SCN2A: variants seen among roughly 807,000 people sequenced by gnomAD.
The protein encoded by SCN2A is sodium channel protein type 2 subunit alpha.
Under a neutral mutation model 188.7 loss-of-function variants are expected in SCN2A, and 20 were observed. The observed-to-expected ratio is 0.11, with a 90% confidence interval of 0.07 to 0.15. SCN2A has a LOEUF of 0.15. Among genes scored for constraint, SCN2A ranks in the 10% least tolerant of loss-of-function variants. The pLI is 1.00. For missense variants in SCN2A, 1,278 were observed against 2,445.0 expected, an observed-to-expected ratio of 0.52 and a Z score of 10.07; for synonymous variants, 804 against 833.1, an observed-to-expected ratio of 0.97 and a Z score of 0.60.
chr2:165,296,338 C>T (rs777344644), intron 2 of SCN2A: 47 of 527,334 alleles, frequency 8.9e-5, no homozygotes, highest in Admixed American at 1.6e-4. Flanking sequence ...TAAGGAAGGA[C>T]AAAAGCCTAT....
intron 1 of SCN2A, among the ~76,000 whole-genome samples, chr2:165,288,356 C>A (rs1471521102): frequency 1.3e-5 from 2 of 150,816 alleles, no homozygotes; most frequent in African/African-American, 4.9e-5. Flanking sequence ...TAAAATTCTG[C>A]TTTATTAGCA....
At chr2:165,320,573 A>G (rs892563331) in intron 11 of SCN2A, among the ~76,000 whole-genome samples, 3 of 152,166 alleles carry the variant, frequency 2.0e-5, no homozygotes, top group Admixed American at 6.5e-5. Context: ...AGGTGTTTCT[A>G]TACATCCTCT....
At chr2:165,292,399 A>G (rs1696260063) in intron 1 of SCN2A, among the ~76,000 whole-genome samples, 1 of 152,068 alleles carries the variant, frequency 6.6e-6, no homozygotes, top group Non-Finnish European at 1.5e-5. Context: ...ATGATGCCAA[A>G]GTTTGAGGGC....
intron 1 of SCN2A, among the ~76,000 whole-genome samples, chr2:165,240,822 G>C (rs998547079): frequency 2.0e-5 from 3 of 151,904 alleles, no homozygotes; most frequent in Admixed American, 6.6e-5. Flanking sequence ...TTATAAAATG[G>C]TTTGGACAAA....
At chr2:165,350,676 T>G (rs1245502136) in intron 16 of SCN2A, among the ~76,000 whole-genome samples, 2 of 97,806 alleles carry the variant, frequency 2.0e-5, no homozygotes, top group African/African-American at 8.6e-5. Context: ...GTTTCACCGT[T>G]TTAGCCGGGA....
intron 1 of SCN2A, among the ~76,000 whole-genome samples, chr2:165,261,343 A>G (rs909214779): frequency 6.6e-6 from 1 of 152,188 alleles, no homozygotes; most frequent in Non-Finnish European, 1.5e-5. Flanking sequence ...AGTCCACATT[A>G]ATAGGATCAT....
At chr2:165,367,151 C>A in intron 18 of SCN2A, 66 bp from the exon 19 acceptor site, 2 of 1,483,954 alleles carry the variant, frequency 1.3e-6, no homozygotes, top group Non-Finnish European at 1.9e-6. Flanking sequence ...ATGAATCTCC[C>A]ACCAACACAA....
intron 1 of SCN2A, among the ~76,000 whole-genome samples, chr2:165,288,539 TA>T (rs539686131): frequency 0.019 from 2,772 of 143,680 alleles, 37 homozygotes; most frequent in African/African-American, 0.039. Flanking sequence ...AACCTAGCAT[TA>T]AAAAAAAAAA....
rs73025936 is a variant in SCN2A, at chr2:165,365,638, A to G, written c.3520+375A>G. Among the ~76,000 whole-genome samples the G allele has an allele frequency of 9.2e-3, 1,402 of 152,264 alleles. 21 individuals carry two copies. Among genetic ancestry groups the G allele is most frequent in the African/African-American group, 0.03 (1,262 of 41,562 alleles). The stretch of plus-strand genomic sequence containing the variant: ...CATCTCTCTTTAGTTTAAAAATTCA[A>G]TAAATAAGAAAGTGAGAGAAGTAAT... On this transcript the variant is annotated intron_variant, in intron 18 of 26. Coordinates refer to ENST00000375437, the MANE Select transcript of SCN2A (RefSeq NM_001040142.2).
At chr2:165,357,568 T>C (rs1415147659) in intron 17 of SCN2A, among the ~76,000 whole-genome samples, 1 of 152,212 alleles carries the variant, frequency 6.6e-6, no homozygotes, top group Non-Finnish European at 1.5e-5. Flanking sequence ...AGTAGGCCAT[T>C]TAAAATCATG....
At chr2:165,254,326 G>A (rs1200829933) in intron 1 of SCN2A, among the ~76,000 whole-genome samples, 4 of 151,590 alleles carry the variant, frequency 2.6e-5, no homozygotes, top group Non-Finnish European at 5.9e-5. Context: ...ATGTTATTAA[G>A]TAGTTGTATG....
intron 20 of SCN2A, chr2:165,372,364 A>G (rs1032521919): frequency 3.3e-5 from 5 of 152,032 alleles, no homozygotes; most frequent in Non-Finnish European, 5.9e-5. Context: ...TAAAAAATAT[A>G]TTTTTCAAAT....
chr2:165,246,541 G>A (rs910573429), intron 1 of SCN2A, among the ~76,000 whole-genome samples: 13 of 151,868 alleles, frequency 8.6e-5, no homozygotes, highest in South Asian at 4.2e-4. Context: ...CACTGATCTC[G>A]TCATACTTTG....
intron 23 of SCN2A, among the ~76,000 whole-genome samples, chr2:165,378,296 CAG>C (rs1309442015): frequency 3.4e-5 from 5 of 148,370 alleles, no homozygotes; most frequent in Non-Finnish European, 7.4e-5. Flanking sequence ...CTAGCACCAG[CAG>C]CTAGCTTTCT....
At chr2:165,356,709 T>G (rs1700197305) in intron 17 of SCN2A, among the ~76,000 whole-genome samples, 1 of 152,180 alleles carries the variant, frequency 6.6e-6, no homozygotes, top group South Asian at 2.1e-4. Context: ...TGACATCCAG[T>G]CTTCTTAACT....
chr2:165,299,126 A>T (rs1696660415), intron 3 of SCN2A, among the ~76,000 whole-genome samples: 1 of 152,112 alleles, frequency 6.6e-6, no homozygotes, highest in African/African-American at 2.4e-5. Context: ...AAATCCTAGG[A>T]GATTATGAAT....
At chr2:165,373,843 A>G (rs1701172112) in intron 21 of SCN2A, among the ~76,000 whole-genome samples, 1 of 152,116 alleles carries the variant, frequency 6.6e-6, no homozygotes, top group South Asian at 2.1e-4. Context: ...GGTACAAAAG[A>G]ACAGAGGAGT....
chr2:165,279,830 T>C (rs1695507661), intron 1 of SCN2A, among the ~76,000 whole-genome samples: 1 of 152,182 alleles, frequency 6.6e-6, no homozygotes, highest in African/African-American at 2.4e-5. Context: ...TCCCACGTGT[T>C]GTGAGAGGGA....
chr2:165,350,232 G>T (rs897468117), intron 16 of SCN2A, among the ~76,000 whole-genome samples: 1 of 152,194 alleles, frequency 6.6e-6, no homozygotes, highest in African/African-American at 2.4e-5. Context: ...ACACAGGAGG[G>T]ATGTGAAGGT....
Sources: gnomAD v4.1 joint callset for allele counts (sites outside exome capture counted in the v4.1 genomes callset) on GRCh38, gnomAD v4.1.1 for gene constraint, MANE v1.5 for transcripts, NCBI Gene and HGNC (gene_info 2026-07-23, HGNC 2026-07-21) for gene names.